DOCK10: variants seen among roughly 807,000 people sequenced by gnomAD.
The protein encoded by DOCK10 is dedicator of cytokinesis protein 10.
In DOCK10, 145 loss-of-function variants were observed where a neutral mutation model predicts 280.1. That is an observed-to-expected ratio of 0.52 (90% CI 0.45 to 0.59). The LOEUF (loss-of-function observed/expected upper bound fraction) is 0.59. Among genes scored for constraint, DOCK10 ranks in the 20% least tolerant of loss-of-function variants. DOCK10 has a pLI of 0.00. For synonymous variants in DOCK10, 915 were observed against 942.2 expected (o/e 0.97, Z 0.53); for missense variants, 2,368 against 2,651.7 (o/e 0.89, Z 2.35).
At chr2:224,811,621 C>T (rs1400570602) in intron 31 of DOCK10, among the ~76,000 whole-genome samples, 1 of 152,192 alleles carries the variant, frequency 6.6e-6, no homozygotes, top group Non-Finnish European at 1.5e-5. Flanking sequence ...GGTTTCAGGT[C>T]TAACATGTAA....
At position 224,966,958 on chromosome 2, in the gene DOCK10, CAT is replaced by C. The variant is rs368158758; in HGVS notation, c.124-35292_124-35291del. 2.2e-3 allele frequency among the ~76,000 whole-genome samples: 337 copies of C among 151,848 alleles called. 1 individual carries two copies. The highest frequency in any genetic ancestry group is 7.2e-3 in the African/African-American group (297 of 41,432). The stretch of plus-strand genomic sequence containing the variant: ...AGGGATAAAGGAGGCGGGAATTACA[CAT>C]GTTTGCAAACCCCTTCAGTTTAAAA... On this transcript the variant is annotated intron_variant, in intron 1 of 55. Coordinates refer to ENST00000258390, the MANE Select transcript of DOCK10 (RefSeq NM_014689.3).
intron 13 of DOCK10, 82 bp from the exon 14 acceptor site, chr2:224,862,828 A>G (rs1219165957): frequency 2.3e-6 from 2 of 854,172 alleles, no homozygotes. Context: ...ATACTTTTTC[A>G]TATTATTTTA....
intron 1 of DOCK10, among the ~76,000 whole-genome samples, chr2:224,989,383 T>C (rs1706067269): frequency 6.6e-6 from 1 of 152,230 alleles, no homozygotes; most frequent in African/African-American, 2.4e-5. Context: ...CAGAAATGAT[T>C]AGTGGAATGA....
intron 1 of DOCK10, among the ~76,000 whole-genome samples, chr2:224,988,624 G>A (rs367937363): frequency 6.6e-6 from 1 of 152,268 alleles, no homozygotes; most frequent in East Asian, 1.9e-4. Context: ...CGGTAGTGAG[G>A]CAACCCTGGA....
rs1691017521 is a variant in DOCK10, at chr2:224,778,289, GGAACATAAT to G, written c.5656-14_5656-6del. ...TTCTTCTTCTTCAAAAAAGCCCTATGGAACATAATGAACCACCAATTTTATTAGACAATG... is the reference window on the plus strand; with the variant it reads ...TTCTTCTTCTTCAAAAAAGCCCTATGGAACCACCAATTTTATTAGACAATG... On this transcript the variant is annotated splice_region_variant and splice_polypyrimidine_tract_variant and intron_variant, in intron 50 of 55. Coordinates refer to ENST00000258390, the MANE Select transcript of DOCK10 (RefSeq NM_014689.3). The G allele has an allele frequency of 1.9e-6, 3 of 1,596,020 alleles. No homozygotes were observed. Among genetic ancestry groups the G allele is most frequent in the Middle Eastern group, 3.3e-4 (2 of 6,022 alleles).
Position 224,856,848 on chromosome 2 carries a change from A to T in DOCK10, c.1808+12T>A. 1 of 1,594,538 alleles carries T rather than the reference A, an allele frequency of 6.3e-7. No homozygotes were observed. Among genetic ancestry groups the T allele is most frequent in the Non-Finnish European group, 8.5e-7 (1 of 1,170,276 alleles). On this transcript the variant is annotated intron_variant, in intron 15 of 55. Transcript: ENST00000258390. ...GATTTATGTTAATTTCGAGAGTATA[A>T]AAAAAACATACCTTCTATAATCTGA...
At chr2:224,844,963 A>G in intron 21 of DOCK10, 124 bp from the exon 22 acceptor site, 1 of 832,246 alleles carries the variant, frequency 1.2e-6, no homozygotes, top group Non-Finnish European at 1.9e-6. Flanking sequence ...CAGGTGGAAA[A>G]TAAAAGATGC....
chr2:225,025,520 A>G (rs1283599451), intron 1 of DOCK10, among the ~76,000 whole-genome samples: 2 of 152,234 alleles, frequency 1.3e-5, no homozygotes, highest in Non-Finnish European at 2.9e-5. Flanking sequence ...AAAAATTCCA[A>G]TGAGAAATGA....
chr2:224,979,765 G>A (rs375302498), intron 1 of DOCK10, among the ~76,000 whole-genome samples: 32 of 152,252 alleles, frequency 2.1e-4, no homozygotes, highest in African/African-American at 6.7e-4. Context: ...GTTACATCCC[G>A]GCACTTTTCT....
At chr2:224,919,039 GTGTA>G (rs1701523709) in intron 2 of DOCK10, among the ~76,000 whole-genome samples, 1 of 147,394 alleles carries the variant, frequency 6.8e-6, no homozygotes, top group Admixed American at 6.8e-5. Context: ...TGTGTGGTGA[GTGTA>G]TGTGTGGTCT....
At chr2:224,986,858 G>C (rs1339919894) in intron 1 of DOCK10, among the ~76,000 whole-genome samples, 2 of 152,154 alleles carry the variant, frequency 1.3e-5, no homozygotes, top group African/African-American at 2.4e-5. Context: ...CAAGGACCTT[G>C]CCTGGGAAAA....
intron 27 of DOCK10, among the ~76,000 whole-genome samples, chr2:224,829,980 C>T (rs1012939257): frequency 2.0e-5 from 3 of 152,160 alleles, no homozygotes; most frequent in Non-Finnish European, 4.4e-5. Flanking sequence ...GAATGCACAT[C>T]GCTCAAATGT....
rs562091997 is a variant in DOCK10, at chr2:224,909,744, C to T, written c.333+6951G>A. On this transcript the variant is annotated intron_variant, in intron 3 of 55. Coordinates refer to ENST00000258390, the MANE Select transcript of DOCK10 (RefSeq NM_014689.3). ...TTCACAGAGTTCTCAAAAGTTTTCA[C>T]ATACACACAATGTATAAGCAACTGT... Among the ~76,000 whole-genome samples the T allele has an allele frequency of 7.1e-5, 4 of 56,500 alleles. No homozygotes were observed. In the South Asian group the frequency reaches 2.2e-3, roughly 32 times the overall value. 37.1% of individuals were successfully genotyped at this position (56,500 alleles called of 152,430 possible). A position where few individuals can be genotyped will look rare whatever the true frequency, so the allele number is the denominator to read the frequency against.
intron 1 of DOCK10, among the ~76,000 whole-genome samples, chr2:224,975,349 A>G (rs1347661881): frequency 6.6e-6 from 1 of 152,188 alleles, no homozygotes; most frequent in African/African-American, 2.4e-5. Context: ...TTAAAGCTCC[A>G]TGTTATACCC....
chr2:224,824,593 G>C (rs1278534740), intron 27 of DOCK10, among the ~76,000 whole-genome samples: 2 of 151,712 alleles, frequency 1.3e-5, no homozygotes, highest in East Asian at 3.9e-4. Context: ...CCCTCCTGTA[G>C]TCCATACCCA....
intron 1 of DOCK10, among the ~76,000 whole-genome samples, chr2:224,943,433 C>A (rs1388596154): frequency 2.0e-5 from 3 of 152,118 alleles, no homozygotes; most frequent in Non-Finnish European, 4.4e-5. Flanking sequence ...AGTCACAGAG[C>A]TCTGGATAGG....
intron 41 of DOCK10, 23 bp from the exon 42 acceptor site, chr2:224,797,992 A>T (rs750064311): frequency 6.2e-7 from 1 of 1,609,326 alleles, no homozygotes; most frequent in Non-Finnish European, 8.5e-7. Context: ...TGCAGATGTT[A>T]TTCAGGATAA....
chr2:225,032,800 G>T (rs12694650), intron 1 of DOCK10, among the ~76,000 whole-genome samples: 33,418 of 152,036 alleles, frequency 0.22, 3,886 homozygotes, highest in Non-Finnish European at 0.23. Context: ...AGTAAATTTT[G>T]TTAAGTTTTT....
intron 1 of DOCK10, among the ~76,000 whole-genome samples, chr2:224,943,766 T>C (rs564293822): frequency 2.9e-4 from 43 of 147,264 alleles, no homozygotes; most frequent in Admixed American, 1.3e-3. Flanking sequence ...CTTTTCTTTT[T>C]TTTTTTTTTT....
Sources: allele counts gnomAD v4.1 joint callset (sites outside exome capture counted in the v4.1 genomes callset), GRCh38; gene constraint gnomAD v4.1.1; transcripts MANE v1.5; gene names NCBI Gene and HGNC (gene_info 2026-07-23, HGNC 2026-07-21).